DNAH10: variants seen among roughly 807,000 people sequenced by gnomAD.
DNAH10 encodes the protein axonemal beta dynein heavy chain 10.
Under a neutral mutation model 506.6 loss-of-function variants are expected in DNAH10, and 348 were observed. That is an observed-to-expected ratio of 0.69 (90% CI 0.63 to 0.75). The LOEUF (loss-of-function observed/expected upper bound fraction) is 0.75, where lower values mean the gene tolerates loss of function less well. Among genes scored for constraint, DNAH10 ranks in the 30% least tolerant of loss-of-function variants. The pLI, the probability that DNAH10 is intolerant of heterozygous loss-of-function variation, is 0.00. For missense variants in DNAH10, 5,179 were observed against 5,787.1 expected (o/e 0.89, Z 3.41); for synonymous variants, 2,059 against 2,198.6 (o/e 0.94, Z 1.78).
rs1233492616 is a variant in DNAH10 at position 123,917,560 on chromosome 12, A to G, written c.11003-24A>G. 1.3e-6 allele frequency: 2 copies of G among 1,545,600 alleles called. No individual in the cohort carries two copies. The highest frequency in any genetic ancestry group is 1.7e-6 in the Non-Finnish European group (2 of 1,143,176). Reference sequence around the variant, plus strand: ...CTGTTGTTGGGGGCCGCAGGTGGTGAGGGCCTCTCACTGTCCCCCACAGTC... The same window carrying G: ...CTGTTGTTGGGGGCCGCAGGTGGTGGGGGCCTCTCACTGTCCCCCACAGTC... On this transcript the variant is annotated intron_variant, in intron 63 of 78. Transcript: ENST00000673944. The surrounding 1 kb of genome is among the most constrained non-coding windows in gnomAD (Gnocchi z 5.6).
rs940665863 is a variant in DNAH10, at chr12:123,838,385, C to G, written c.4903-71C>G. ...GCCTGGGCTCTGGTGAGTGCCTGTT[C>G]TGGGCTCAAGAACAGTGTCTCCGCT... On this transcript the variant is annotated intron_variant, in intron 28 of 78. Coordinates refer to ENST00000673944, the MANE Select transcript of DNAH10 (RefSeq NM_001372106.1). 2.1e-5 allele frequency: 30 copies of G among 1,416,032 alleles called. No individual in the cohort carries two copies. In the East Asian group the frequency reaches 3.7e-4, roughly 18 times the overall value. 87.7% of individuals were successfully genotyped at this position (1,416,032 alleles called of 1,614,324 possible). A position where few individuals can be genotyped will look rare whatever the true frequency, so the allele number is the denominator to read the frequency against.
intron 24 of DNAH10, among the ~76,000 whole-genome samples, chr12:123,821,588 C>T (rs1565948449): frequency 1.3e-5 from 2 of 152,118 alleles, no homozygotes; most frequent in South Asian, 2.1e-4. Context: ...CTGCCTTGAC[C>T]TCCCAAAGTG....
Position 123,845,869 on chromosome 12 carries a change from G to A in DNAH10, c.5630G>A (p.Ser1877Asn). ...RDIVDSFIRG[S>N]ILEAREFDWE... ...ATAGTTGATTCTTTCATAAGAGGCA[G>A]GTGAGCATTTTCCGGGGTCACTGGC... Residue 1877 changes from serine to asparagine, a missense_variant and splice_region_variant, in exon 31 of 79, where the codon AGT (serine) becomes AAT (asparagine). By Grantham distance (46) the Ser-to-Asn change is conservative. This residue lies in a region of DNAH10 where 4,844 missense variants were observed against 5,430.5 expected (regional missense o/e 0.89). Coordinates refer to ENST00000673944, the MANE Select transcript of DNAH10 (RefSeq NM_001372106.1). 1 of 1,613,542 alleles carries A rather than the reference G, an allele frequency of 6.2e-7. No homozygotes were observed. The highest frequency in any genetic ancestry group is 8.5e-7 in the Non-Finnish European group (1 of 1,179,450).
At chr12:123,865,564 C>T (rs1199785764) in intron 40 of DNAH10, among the ~76,000 whole-genome samples, 3 of 152,004 alleles carry the variant, frequency 2.0e-5, no homozygotes, top group African/African-American at 4.8e-5. Flanking sequence ...AAGTTTTATA[C>T]TGCCTGATCT....
chr12:123,864,509 A>G, intron 39 of DNAH10, 86 bp from the exon 40 acceptor site: 1 of 1,510,500 alleles, frequency 6.6e-7, no homozygotes, highest in South Asian at 1.4e-5. Flanking sequence ...GGAAAAAGAC[A>G]TTCAACATGA....
At chr12:123,788,762 T>C (rs1957962079) in intron 10 of DNAH10, among the ~76,000 whole-genome samples, 1 of 151,718 alleles carries the variant, frequency 6.6e-6, no homozygotes, top group Admixed American at 6.6e-5. Flanking sequence ...ACCCTGTCTA[T>C]TGAAAATACA....
intron 7 of DNAH10, 80 bp downstream of exon 7, chr12:123,783,344 T>C: frequency 6.6e-7 from 1 of 1,521,980 alleles, no homozygotes; most frequent in East Asian, 2.3e-5. Context: ...GTCTGGGGTC[T>C]GCATCATCTG....
At chr12:123,874,086 G>A (rs990220439) in intron 46 of DNAH10, among the ~76,000 whole-genome samples, 5 of 152,122 alleles carry the variant, frequency 3.3e-5, no homozygotes, top group African/African-American at 7.2e-5. Flanking sequence ...CAAGAATTCC[G>A]CTGGACTCTT....
At chr12:123,857,905 C>T (rs1432267527) in intron 37 of DNAH10, among the ~76,000 whole-genome samples, 1 of 152,178 alleles carries the variant, frequency 6.6e-6, no homozygotes, top group Admixed American at 6.5e-5. Context: ...TGCTCGACTT[C>T]CTGTCTCTAC....
chr12:123,857,452 G>A (rs998078009), intron 37 of DNAH10, among the ~76,000 whole-genome samples: 5 of 152,172 alleles, frequency 3.3e-5, no homozygotes, highest in African/African-American at 9.7e-5. Context: ...TTGTTAGGCC[G>A]GGCACAGTGG....
chr12:123,860,134 C>A (rs1331650832), intron 38 of DNAH10, among the ~76,000 whole-genome samples: 1 of 152,076 alleles, frequency 6.6e-6, no homozygotes, highest in Non-Finnish European at 1.5e-5. Flanking sequence ...TAAGCAATAA[C>A]TAGATTCCAG....
chr12:123,794,355 G>C (rs1958197777), intron 12 of DNAH10, among the ~76,000 whole-genome samples: 1 of 152,198 alleles, frequency 6.6e-6, no homozygotes, highest in Non-Finnish European at 1.5e-5. Context: ...GTGTGGGTTA[G>C]TAATAATCAT....
chr12:123,838,617 C>T lies in DNAH10; in HGVS notation c.5064C>T (p.Phe1688=), dbSNP rs776446148. ...GAAATGCTTTCCCAAGGTTCTTCTT[C>T]ATTTCTGACGATGAGTTGCTTAGCA... is the stretch of plus-strand genomic sequence containing the variant. The part of the protein sequence containing the change: ...SKRNAFPRFF[F]ISDDELLSIL... Residue 1688 remains phenylalanine (F), a synonymous_variant, in exon 29 of 79, where the codon TTC becomes TTT. Transcript: ENST00000673944. 2 of 1,613,914 alleles carry T rather than the reference C, an allele frequency of 1.2e-6. No homozygotes were observed. The highest frequency in any genetic ancestry group is 2.7e-5 in the African/African-American group (2 of 74,926).
At chr12:123,770,264 TA>T (rs962295194) in intron 2 of DNAH10, among the ~76,000 whole-genome samples, 12 of 150,904 alleles carry the variant, frequency 8.0e-5, no homozygotes, top group African/African-American at 2.9e-4. Context: ...AATTTTTTTT[TA>T]AAATTTTTTT....
Position 123,929,390 on chromosome 12 carries a change from T to G in DNAH10, c.12422T>G (p.Val4141Gly), listed in dbSNP as rs747257588. Reference protein sequence around the residue: ...PHPAFKPLVYVLAFFHAVVQE... With the variant: ...PHPAFKPLVYGLAFFHAVVQE... ...CCTGCCTTCAAGCCGCTGGTCTACG[T>G]GCTGGCGTTCTTTCATGCTGTGGTG... The change falls in exon 71 of 79, where the codon GTG (valine) becomes GGG (glycine). Residue 4141 changes from valine (V) to glycine (G), a missense_variant. Val to Gly is a moderately radical substitution (Grantham distance 109). This residue lies in a region of DNAH10 where 4,844 missense variants were observed against 5,430.5 expected (regional missense o/e 0.89). Coordinates refer to ENST00000673944, the MANE Select transcript of DNAH10 (RefSeq NM_001372106.1). The G allele has an allele frequency of 3.1e-6, 5 of 1,613,436 alleles. No homozygotes were observed. In the East Asian group the frequency reaches 8.9e-5, roughly 29 times the overall value.
intron 40 of DNAH10, 114 bp from the exon 41 acceptor site, chr12:123,865,837 G>T: frequency 1.9e-6 from 2 of 1,049,050 alleles, no homozygotes; most frequent in Non-Finnish European, 2.6e-6. Context: ...TGTTGATTTT[G>T]GTATTATTTG....
At chr12:123,797,108 T>C (rs1384851746) in intron 13 of DNAH10, among the ~76,000 whole-genome samples, 3 of 152,218 alleles carry the variant, frequency 2.0e-5, no homozygotes, top group Non-Finnish European at 1.5e-5. Flanking sequence ...CCTGACCTCG[T>C]GATCTGCCCA....
At chr12:123,934,542 G>A in intron 77 of DNAH10, 79 bp from the exon 78 acceptor site, 1 of 1,563,228 alleles carries the variant, frequency 6.4e-7, no homozygotes, top group Non-Finnish European at 8.7e-7. Flanking sequence ...GTGTGTCGCT[G>A]TGTGTGCGCC....
In DNAH10 at chr12:123,864,711, A is replaced by G. The variant is rs979348974; in HGVS notation, c.7025A>G (p.His2342Arg). Residue 2342 changes from histidine (H) to arginine (R), a missense_variant, in exon 40 of 79, where the codon CAC becomes CGC. By Grantham distance (29) the His-to-Arg change is conservative (BLOSUM62 0). Around this residue, in one of 3 missense-constraint regions of DNAH10, gnomAD observed 4,844 missense variants for 5,430.5 expected, o/e 0.89. Transcript: ENST00000673944. ...GGGGAACGCATCCGGCTCCAAGCAC[A>G]CTGTGCCCTGCTCTTTGAGGCAAGT... ...ANGERIRLQA[H>R]CALLFEVGDL... is the part of the protein sequence containing the mutation. 2 of 1,613,934 alleles carry G rather than the reference A, an allele frequency of 1.2e-6. No homozygotes were observed. Among genetic ancestry groups the G allele is most frequent in the African/African-American group, 2.7e-5 (2 of 75,064 alleles).
Sources: gnomAD v4.1 joint callset for allele counts (sites outside exome capture counted in the v4.1 genomes callset) on GRCh38, gnomAD v4.1.1 for gene constraint, gnomAD v4.1.1 regional missense constraint, Gnocchi (gnomAD v3.1) non-coding constraint, MANE v1.5 for transcripts, NCBI Gene and HGNC (gene_info 2026-07-23, HGNC 2026-07-21) for gene names.